SYNPR: variants seen among roughly 807,000 people sequenced by gnomAD.
The protein encoded by SYNPR is synaptoporin.
Under a neutral mutation model 32.9 loss-of-function variants are expected in SYNPR, and 23 were observed. The observed-to-expected ratio is 0.70, with a 90% confidence interval of 0.50 to 0.99. The LOEUF is 0.99. Ranked by LOEUF, SYNPR falls within the 50% of genes least tolerant of loss-of-function variation. The pLI is 0.00. For synonymous variants in SYNPR, 146 were observed against 135.9 expected (o/e 1.07, Z -0.52); for missense variants, 318 against 349.3 (o/e 0.91, Z 0.71).
chr3:63,400,809 G>A (rs746368966), intron 2 of SYNPR, among the ~76,000 whole-genome samples: 4 of 152,172 alleles, frequency 2.6e-5, no homozygotes, highest in South Asian at 2.1e-4. Context: ...TGGGGAAGAC[G>A]TAATTTCCCA....
At chr3:63,350,247 A>C (rs1021321695) in intron 2 of SYNPR, among the ~76,000 whole-genome samples, 2 of 145,564 alleles carry the variant, frequency 1.4e-5, no homozygotes, top group Admixed American at 6.7e-5. Flanking sequence ...CACACATACA[A>C]ACACAATTAT....
intron 3 of SYNPR, among the ~76,000 whole-genome samples, chr3:63,526,348 T>C (rs184120872): frequency 2.0e-5 from 3 of 152,340 alleles, no homozygotes; most frequent in Admixed American, 2.0e-4. Flanking sequence ...CATTATATCA[T>C]TTACATTTAT....
chr3:63,383,307 T>C lies in SYNPR; in HGVS notation c.85-97525T>C, dbSNP rs184229525. ...AATTGGAAAAGAGCATAAAATAAGA[T>C]GCAATACCTCCCAAGAGAAAAGAAT... is the stretch of plus-strand genomic sequence containing the variant. On this transcript the variant is annotated intron_variant, in intron 2 of 5. Transcript: ENST00000478300. Among the ~76,000 whole-genome samples the C allele has an allele frequency of 5.3e-5, 8 of 152,306 alleles. No homozygotes were observed. In the East Asian group the frequency reaches 7.7e-4, roughly 15 times the overall value.
intron 2 of SYNPR, among the ~76,000 whole-genome samples, chr3:63,370,807 G>A (rs1282879002): frequency 3.3e-5 from 5 of 152,128 alleles, no homozygotes; most frequent in African/African-American, 9.7e-5. Context: ...GAATTCATAG[G>A]TGAGAACCTT....
intron 2 of SYNPR, among the ~76,000 whole-genome samples, chr3:63,320,643 A>C (rs868477599): frequency 1.3e-5 from 2 of 152,096 alleles, no homozygotes; most frequent in South Asian, 4.1e-4. Context: ...ATATTTAATG[A>C]ATGATTGTGT....
chr3:63,549,209 G>A (rs985748402), intron 3 of SYNPR, among the ~76,000 whole-genome samples: 2 of 152,156 alleles, frequency 1.3e-5, no homozygotes, highest in Admixed American at 1.3e-4. Flanking sequence ...TGGGTACCTT[G>A]TACAATGCCT....
chr3:63,447,452 C>A (rs1019176967), intron 2 of SYNPR, among the ~76,000 whole-genome samples: 11 of 152,158 alleles, frequency 7.2e-5, no homozygotes, highest in African/African-American at 2.7e-4. Context: ...ATGGAGAAAG[C>A]AGCTGGTGTT....
intron 2 of SYNPR, among the ~76,000 whole-genome samples, chr3:63,415,603 T>C (rs909764600): frequency 6.6e-6 from 1 of 152,160 alleles, no homozygotes; most frequent in Non-Finnish European, 1.5e-5. Context: ...ATAGACAATA[T>C]GTAACCAAAT....
intron 2 of SYNPR, among the ~76,000 whole-genome samples, chr3:63,465,857 T>C (rs548040957): frequency 6.6e-6 from 1 of 152,356 alleles, no homozygotes; most frequent in East Asian, 1.9e-4. Context: ...AAATTTTTTT[T>C]TTAATTCACA....
chr3:63,259,144 C>A (rs1041669173), intron 2 of SYNPR, among the ~76,000 whole-genome samples: 2 of 152,132 alleles, frequency 1.3e-5, no homozygotes, highest in Non-Finnish European at 2.9e-5. Context: ...ACCAGAGGTA[C>A]AAGGAAGAGC....
intron 2 of SYNPR, among the ~76,000 whole-genome samples, chr3:63,470,806 A>C (rs112924032): frequency 6.6e-6 from 1 of 152,318 alleles, no homozygotes; most frequent in African/African-American, 2.4e-5. Flanking sequence ...TTTTGTGACA[A>C]TGAGGCAAAG....
chr3:63,606,891 A>G (rs926522211), intron 4 of SYNPR, among the ~76,000 whole-genome samples: 20 of 152,178 alleles, frequency 1.3e-4, no homozygotes, highest in African/African-American at 4.1e-4. Context: ...CAGGATTGGT[A>G]TCTATTTCAT....
intron 2 of SYNPR, among the ~76,000 whole-genome samples, chr3:63,390,064 T>G (rs1189333105): frequency 6.6e-6 from 1 of 152,164 alleles, no homozygotes; most frequent in African/African-American, 2.4e-5. Context: ...GACTTCCACC[T>G]TTTCACAGGA....
At chr3:63,208,271 T>C in the SYNPR span, among the ~76,000 whole-genome samples, 274 of 152,312 alleles carry the variant, frequency 1.8e-3, 1 homozygote, top group African/African-American at 6.2e-3. Context: ...AGTTATTTTA[T>C]GACTGGAGTG....
intron 2 of SYNPR, among the ~76,000 whole-genome samples, 163 bp downstream of exon 2, chr3:63,278,905 G>A (rs2086602140): frequency 6.6e-6 from 1 of 152,228 alleles, no homozygotes; most frequent in African/African-American, 2.4e-5. Flanking sequence ...GTTCCAAGGT[G>A]GTGAGGACAA....
intron 4 of SYNPR, among the ~76,000 whole-genome samples, chr3:63,588,496 G>C (rs1361538316): frequency 6.6e-6 from 1 of 151,940 alleles, no homozygotes; most frequent in Non-Finnish European, 1.5e-5. Flanking sequence ...TTTTCATCTA[G>C]CTGATTCAAT....
chr3:63,292,751 C>G (rs1385665110), intron 2 of SYNPR, among the ~76,000 whole-genome samples: 2 of 152,240 alleles, frequency 1.3e-5, no homozygotes, highest in African/African-American at 4.8e-5. Flanking sequence ...TCACGAGAGT[C>G]TTCTGCTTCT....
intron 3 of SYNPR, among the ~76,000 whole-genome samples, chr3:63,268,706 G>A (rs566764212): frequency 1.3e-5 from 2 of 152,216 alleles, no homozygotes; most frequent in East Asian, 3.9e-4. Context: ...CTGTCTCAGG[G>A]GTGGTGGAGG....
chr3:63,363,438 T>G (rs919111847), intron 2 of SYNPR, among the ~76,000 whole-genome samples: 2 of 152,184 alleles, frequency 1.3e-5, no homozygotes, highest in Non-Finnish European at 2.9e-5. Flanking sequence ...TGAGACTTTC[T>G]CAAGATCTAT....
Sources: gnomAD v4.1 joint callset for allele counts (sites outside exome capture counted in the v4.1 genomes callset) on GRCh38, gnomAD v4.1.1 for gene constraint, MANE v1.5 for transcripts, NCBI Gene and HGNC (gene_info 2026-07-23, HGNC 2026-07-21) for gene names.